The following NAPG variants were observed in gnomAD, a reference collection of about 807,000 sequenced individuals.
NAPG encodes gamma-soluble NSF attachment protein.
NAPG carries 25 observed loss-of-function variants against 48.4 expected under a neutral mutation model. The ratio of observed to expected loss-of-function variants is 0.52; its 90% CI spans 0.38 to 0.72. The LOEUF is 0.72. Among genes scored for constraint, NAPG ranks in the 30% least tolerant of loss-of-function variants. The pLI, the probability that NAPG is intolerant of heterozygous loss-of-function variation, is 0.00. For synonymous variants in NAPG, 139 were observed against 127.2 expected (o/e 1.09, Z -0.62); for missense variants, 359 against 372.5 (o/e 0.96, Z 0.30).
chr18:10,533,332 T>C (rs550330878), intron 3 of NAPG: 7 of 444,506 alleles, frequency 1.6e-5, no homozygotes, highest in African/African-American at 1.4e-4. Context: ...ATCTGTGCAG[T>C]GTTTTGTTAG....
Position 10,530,783 on chromosome 18 carries a change from T to G in NAPG, c.70T>G (p.Phe24Val). Residue 24 changes from phenylalanine (F) to valine (V), a missense_variant, in exon 2 of 12, where the codon TTT becomes GTT. Coordinates refer to ENST00000322897, the MANE Select transcript of NAPG (RefSeq NM_003826.3). ...TTTTCATTCTAGCCTGAAAACTGGT[T>G]TTTTAAAATGGAAGCCAGATTATGA... ...AKAEKYLKTG[F>V]LKWKPDYDSA... 6.3e-7 allele frequency: 1 copy of G among 1,577,334 alleles called. No homozygotes were observed. The highest frequency in any genetic ancestry group is 1.2e-5 in the South Asian group (1 of 84,324).
intron 1 of NAPG, among the ~76,000 whole-genome samples, chr18:10,528,978 T>C (rs2031874887): frequency 6.6e-6 from 1 of 152,202 alleles, no homozygotes; most frequent in Non-Finnish European, 1.5e-5. Context: ...GCTGTTTTCT[T>C]TTTTTCTGTG....
chr18:10,547,583 A>G (rs2032295507), intron 9 of NAPG, among the ~76,000 whole-genome samples: 1 of 152,208 alleles, frequency 6.6e-6, no homozygotes, highest in Admixed American at 6.5e-5. Flanking sequence ...ATAAAAATGA[A>G]CTAATTGGGA....
chr18:10,526,343 T>C, intron 1 of NAPG, 185 bp downstream of exon 1: 1 of 595,578 alleles, frequency 1.7e-6, no homozygotes. Flanking sequence ...GGGTCAGCTC[T>C]GCGGCGCCTC....
rs901360316 is a variant in NAPG, at chr18:10,534,980, G to T, written c.258+484G>T. Among the ~76,000 whole-genome samples the T allele has an allele frequency of 6.6e-6, 1 of 152,182 alleles. No homozygotes were observed. Among genetic ancestry groups the T allele is most frequent in the Admixed American group, 6.5e-5 (1 of 15,274 alleles). ...GGAATATTCCAACTAATGTACCTGT[G>T]CCACTGTTTGTACTTCTGCTCCTCA... On this transcript the variant is annotated intron_variant, in intron 5 of 11. Transcript: ENST00000322897. This position sits in a 1 kb window ranked among gnomAD's most constrained non-coding sequence, Gnocchi z 5.0.
chr18:10,529,377 T>C (rs2031883239), intron 1 of NAPG, among the ~76,000 whole-genome samples: 1 of 152,368 alleles, frequency 6.6e-6, no homozygotes. Context: ...AAATTGCTTA[T>C]TTTAATTTGA....
rs2032093759 is a variant in NAPG, at chr18:10,539,120, T to TA, written c.259-641dup. 1 of 152,196 alleles carries TA rather than the reference T, an allele frequency of 6.6e-6. No individual in the cohort carries two copies. Among genetic ancestry groups the TA allele is most frequent in the Admixed American group, 6.5e-5 (1 of 15,284 alleles). The allele number at this position is 152,196 out of a possible 1,614,324, so 9.4% of individuals were successfully genotyped here. A position where few individuals can be genotyped will look rare whatever the true frequency, so the allele number is the denominator to read the frequency against. On this transcript the variant is annotated intron_variant, in intron 5 of 11. Transcript: ENST00000322897. This position sits in a 1 kb window ranked among gnomAD's most constrained non-coding sequence, Gnocchi z 4.7. ...TTCCTCAAGGATCTAGAACCAGAAA[T>TA]ACCATTTGACCCAGCAATCCCATTA...
intron 1 of NAPG, among the ~76,000 whole-genome samples, chr18:10,529,359 A>G (rs1232383849): frequency 6.6e-6 from 1 of 152,230 alleles, no homozygotes; most frequent in East Asian, 1.9e-4. Context: ...ATTCTTGGTA[A>G]GCTTGAAAAA....
chr18:10,528,881 T>C (rs754217781), intron 1 of NAPG, among the ~76,000 whole-genome samples: 4 of 152,328 alleles, frequency 2.6e-5, no homozygotes, highest in African/African-American at 7.2e-5. Context: ...TTAGGAGATA[T>C]TTGATTTTTC....
At position 10,534,368 on chromosome 18, in the gene NAPG, T is replaced by C. The variant is rs1266954652; in HGVS notation, c.228-98T>C. 3.3e-6 allele frequency: 3 copies of C among 907,414 alleles called. No homozygotes were observed. Among genetic ancestry groups the C allele is most frequent in the South Asian group, 1.4e-5 (1 of 72,422 alleles). 56.2% of individuals were successfully genotyped at this position (907,414 alleles called of 1,614,324 possible). On this transcript the variant is annotated intron_variant, in intron 4 of 11. Coordinates refer to ENST00000322897, the MANE Select transcript of NAPG (RefSeq NM_003826.3). This position sits in a 1 kb window ranked among gnomAD's most constrained non-coding sequence, Gnocchi z 5.0. ...TATGTTGTGCATGAGCCCATTGTAA[T>C]TGAAGTCACTTTCCTTACCAGTAGT... is the stretch of plus-strand genomic sequence containing the variant.
chr18:10,534,323 G>A lies in NAPG; in HGVS notation c.228-143G>A, dbSNP rs775053510. On this transcript the variant is annotated intron_variant, in intron 4 of 11. Coordinates refer to ENST00000322897, the MANE Select transcript of NAPG (RefSeq NM_003826.3). This position sits in a 1 kb window ranked among gnomAD's most constrained non-coding sequence, Gnocchi z 5.0. Reference sequence around the variant, plus strand: ...AAAGAATAAAAAATTATATTGTGTGGTAATATAAGCCTGAAGTGATATGTT... The same window carrying A: ...AAAGAATAAAAAATTATATTGTGTGATAATATAAGCCTGAAGTGATATGTT... 2 of 528,368 alleles carry A rather than the reference G, an allele frequency of 3.8e-6. No individual in the cohort carries two copies. The highest frequency in any genetic ancestry group is 6.9e-6 in the Non-Finnish European group (2 of 289,378). 32.7% of individuals were successfully genotyped at this position (528,368 alleles called of 1,614,324 possible).
At chr18:10,526,242 G>T in intron 1 of NAPG, 84 bp downstream of exon 1, 5 of 694,522 alleles carry the variant, frequency 7.2e-6, no homozygotes, top group East Asian at 3.7e-5. Flanking sequence ...GGGGGGGCGG[G>T]AGGGAGGGCT....
chr18:10,527,391 C>T (rs1225740859), intron 1 of NAPG, among the ~76,000 whole-genome samples: 1 of 152,118 alleles, frequency 6.6e-6, no homozygotes, highest in African/African-American at 2.4e-5. Flanking sequence ...AGCCAGTTTT[C>T]AAACAGTGGA....
In NAPG at chr18:10,548,447, C is replaced by G. The variant is rs186211075; in HGVS notation, c.665+69C>G. 18 of 1,227,804 alleles carry G rather than the reference C, an allele frequency of 1.5e-5. No homozygotes were observed. In the East Asian group the frequency reaches 4.0e-4, roughly 27 times the overall value. 76.1% of individuals were successfully genotyped at this position (1,227,804 alleles called of 1,614,324 possible). A position where few individuals can be genotyped will look rare whatever the true frequency, so the allele number is the denominator to read the frequency against. ...TCTGTGTCTACAACTAAGATTGCTG[C>G]TAGGACACATGTTCCTGGCCATGAA... On this transcript the variant is annotated intron_variant, in intron 10 of 11. Coordinates refer to ENST00000322897, the MANE Select transcript of NAPG (RefSeq NM_003826.3). The surrounding 1 kb of genome is among the most constrained non-coding windows in gnomAD (Gnocchi z 4.4).
intron 2 of NAPG, 36 bp from the exon 3 acceptor site, chr18:10,532,675 A>C (rs1182624360): frequency 6.7e-7 from 1 of 1,495,208 alleles, no homozygotes. Context: ...TGAGGTTTTT[A>C]ATGATGGAAA....
At position 10,539,660 on chromosome 18, in the gene NAPG, C is replaced by T; in HGVS notation, c.259-102C>T. On this transcript the variant is annotated intron_variant, in intron 5 of 11. Coordinates refer to ENST00000322897, the MANE Select transcript of NAPG (RefSeq NM_003826.3). The surrounding 1 kb of genome is among the most constrained non-coding windows in gnomAD (Gnocchi z 4.7). ...AAACCTGCACATTCTGCACATGTGT[C>T]CCAGAACTTAAAATAAAAAATAATT... 1 of 951,758 alleles carries T rather than the reference C, an allele frequency of 1.1e-6. No homozygotes were observed. The highest frequency in any genetic ancestry group is 1.6e-6 in the Non-Finnish European group (1 of 614,290). 59.0% of individuals were successfully genotyped at this position (951,758 alleles called of 1,614,324 possible). A position where few individuals can be genotyped will look rare whatever the true frequency, so the allele number is the denominator to read the frequency against.
At chr18:10,530,458 C>T (rs1042776301) in intron 1 of NAPG, among the ~76,000 whole-genome samples, 2 of 151,992 alleles carry the variant, frequency 1.3e-5, no homozygotes, top group Non-Finnish European at 2.9e-5. Context: ...CTCAGAGGTG[C>T]TGTAGGCTTG....
At position 10,539,554 on chromosome 18, in the gene NAPG, C is replaced by T. The variant is rs1480950290; in HGVS notation, c.259-208C>T. ...GGAGGGAGAGCACTAGGACAAATAC[C>T]TAATGCATGCGGGGCTTAAAACCTA... On this transcript the variant is annotated intron_variant, in intron 5 of 11. Transcript: ENST00000322897. The surrounding 1 kb of genome is among the most constrained non-coding windows in gnomAD (Gnocchi z 4.7). 3 of 522,254 alleles carry T rather than the reference C, an allele frequency of 5.7e-6. No individual in the cohort carries two copies. The Admixed American group carries it at 9.6e-5, about 17-fold the overall frequency. The allele number at this position is 522,254 out of a possible 1,614,324, so 32.4% of individuals were successfully genotyped here. A position where few individuals can be genotyped will look rare whatever the true frequency, so the allele number is the denominator to read the frequency against.
At position 10,540,203 on chromosome 18, in the gene NAPG, T is replaced by G. The variant is rs571432637; in HGVS notation, c.436-126T>G. The G allele has an allele frequency of 4.7e-6, 5 of 1,055,102 alleles. No individual in the cohort carries two copies. In the African/African-American group the frequency reaches 6.4e-5, roughly 14 times the overall value. The allele number at this position is 1,055,102 out of a possible 1,614,324, so 65.4% of individuals were successfully genotyped here. Reference sequence around the variant, plus strand: ...TCTTTTCTGTTAGAGAGTAGTGAAATGAACTAGCAGCTTTCGTGTTCCCCC... The same window carrying G: ...TCTTTTCTGTTAGAGAGTAGTGAAAGGAACTAGCAGCTTTCGTGTTCCCCC... On this transcript the variant is annotated intron_variant, in intron 7 of 11. Transcript: ENST00000322897.
Sources: gnomAD v4.1 joint callset for allele counts (sites outside exome capture counted in the v4.1 genomes callset) on GRCh38, gnomAD v4.1.1 for gene constraint, Gnocchi (gnomAD v3.1) non-coding constraint, MANE v1.5 for transcripts, NCBI Gene and HGNC (gene_info 2026-07-23, HGNC 2026-07-21) for gene names.